The following DLG1 variants were observed in gnomAD, a reference collection of about 807,000 sequenced individuals.
The protein encoded by DLG1 is discs large MAGUK scaffold protein 1.
A neutral mutation model predicts 123.4 loss-of-function variants in DLG1; 42 were observed. That is an observed-to-expected ratio of 0.34 (90% CI 0.27 to 0.44). The LOEUF (loss-of-function observed/expected upper bound fraction) is 0.44, where lower values mean the gene tolerates loss of function less well. Ranked by LOEUF, DLG1 falls within the 20% of genes least tolerant of loss-of-function variation. DLG1 has a pLI of 1.00. For synonymous variants in DLG1, 317 were observed against 356.2 expected (o/e 0.89, Z 1.24); for missense variants, 942 against 1,082.6 (o/e 0.87, Z 1.82).
intron 17 of DLG1, among the ~76,000 whole-genome samples, chr3:197,080,266 CCTTTTTT>C (rs1463835429): frequency 2.0e-5 from 2 of 100,846 alleles, no homozygotes; most frequent in East Asian, 6.6e-4. Context: ...TGATATATTT[CCTTTTTT>C]TTTTTTTTTT....
intron 4 of DLG1, among the ~76,000 whole-genome samples, chr3:197,203,072 G>A (rs994445473): frequency 6.6e-6 from 1 of 152,102 alleles, no homozygotes; most frequent in Non-Finnish European, 1.5e-5. Context: ...CAGGAGTTCA[G>A]GACCATTTTT....
intron 2 of DLG1, 21 bp from the exon 3 acceptor site, chr3:197,296,498 C>A (rs1485950458): frequency 1.9e-6 from 3 of 1,609,008 alleles, no homozygotes; most frequent in East Asian, 2.2e-5. Flanking sequence ...AAAGCAGAGC[C>A]TGATTAAAAC....
At chr3:197,148,821 G>C (rs1434008826) in intron 6 of DLG1, among the ~76,000 whole-genome samples, 1 of 152,012 alleles carries the variant, frequency 6.6e-6, no homozygotes, top group African/African-American at 2.4e-5. Flanking sequence ...AAAAATAATG[G>C]TTTTTAGACT....
intron 4 of DLG1, among the ~76,000 whole-genome samples, chr3:197,255,289 A>G (rs540069357): frequency 2.6e-5 from 4 of 152,270 alleles, no homozygotes; most frequent in South Asian, 4.1e-4. Flanking sequence ...CACCAATAAG[A>G]GGTGGCATTG....
chr3:197,248,873 G>A (rs151246262), intron 4 of DLG1, among the ~76,000 whole-genome samples: 2 of 152,292 alleles, frequency 1.3e-5, no homozygotes, highest in African/African-American at 4.8e-5. Context: ...GAAACCCTTT[G>A]TTTGAAGAGA....
Position 197,158,634 on chromosome 3 carries a change from CAAAAA to C in DLG1, c.484-8843_484-8839del, listed in dbSNP as rs71623339. On this transcript the variant is annotated intron_variant, in intron 5 of 24. Transcript: ENST00000667157. ...GGGTAACAAGAGCAAAACTCCATTT[CAAAAA>C]AAAAAAAAAAAAAAAAAAGCCCAGA... Among the ~76,000 whole-genome samples, 93 of 67,466 alleles carry C rather than the reference CAAAAA, an allele frequency of 1.4e-3. 1 individual carries two copies. The highest frequency in any genetic ancestry group is 1.9e-3 in the African/African-American group (35 of 18,126). 44.3% of individuals were successfully genotyped at this position (67,466 alleles called of 152,430 possible). A position where few individuals can be genotyped will look rare whatever the true frequency, so the allele number is the denominator to read the frequency against.
chr3:197,111,645 A>G (rs1770071403), intron 13 of DLG1, among the ~76,000 whole-genome samples: 1 of 152,222 alleles, frequency 6.6e-6, no homozygotes, highest in South Asian at 2.1e-4. Context: ...ACCCCAGACA[A>G]GACATGTATC....
chr3:197,085,411 G>GA, intron 16 of DLG1, 169 bp downstream of exon 16: 1 of 656,148 alleles, frequency 1.5e-6, no homozygotes. Flanking sequence ...GACTACTTTA[G>GA]ATTTCACATA....
intron 6 of DLG1, among the ~76,000 whole-genome samples, 157 bp downstream of exon 6, chr3:197,149,586 C>T (rs1040926422): frequency 8.6e-5 from 13 of 152,030 alleles, no homozygotes; most frequent in Admixed American, 1.3e-4. Flanking sequence ...GACCATACTA[C>T]TTAATTTACT....
chr3:197,105,469 C>T (rs1176926982), intron 13 of DLG1, among the ~76,000 whole-genome samples: 3 of 152,162 alleles, frequency 2.0e-5, no homozygotes, highest in African/African-American at 7.2e-5. Flanking sequence ...CTAAAACTTC[C>T]ATTCTTTTGG....
chr3:197,170,206 G>C (rs1803458986), intron 5 of DLG1, among the ~76,000 whole-genome samples: 1 of 152,176 alleles, frequency 6.6e-6, no homozygotes, highest in South Asian at 2.1e-4. Context: ...ACTGTGAATA[G>C]TGCTGCAATG....
chr3:197,210,540 A>C lies in DLG1; in HGVS notation c.319-15951T>G, dbSNP rs1275219403. 1.4e-5 allele frequency among the ~76,000 whole-genome samples: 2 copies of C among 144,336 alleles called. 1 individual carries two copies. Among genetic ancestry groups the C allele is most frequent in the Non-Finnish European group, 3.1e-5 (2 of 64,510 alleles). 94.7% of individuals were successfully genotyped at this position (144,336 alleles called of 152,430 possible). ...CTAATCCAATAGGTTAGATGAAATC[A>C]AGAAATTCCCCAAAAAACACATCTT... On this transcript the variant is annotated intron_variant, in intron 4 of 24. Transcript: ENST00000667157.
intron 4 of DLG1, among the ~76,000 whole-genome samples, chr3:197,246,144 C>T (rs1751633272): frequency 6.6e-6 from 1 of 152,156 alleles, no homozygotes. Flanking sequence ...ATTGGGCAGT[C>T]TTTCTGACTC....
chr3:197,211,161 G>A lies in DLG1; in HGVS notation c.319-16572C>T, dbSNP rs778130934. Among the ~76,000 whole-genome samples, 5 of 145,960 alleles carry A rather than the reference G, an allele frequency of 3.4e-5. 1 individual carries two copies. The highest frequency in any genetic ancestry group is 7.3e-5 in the African/African-American group (3 of 41,090). ...CAGCAAACTAAAAATCCAGAGGAAC[G>A]ATCTAAATCTGATAAAGGGCATTTA... On this transcript the variant is annotated intron_variant, in intron 4 of 24. Coordinates refer to ENST00000667157, the MANE Select transcript of DLG1 (RefSeq NM_001366207.1).
intron 4 of DLG1, among the ~76,000 whole-genome samples, chr3:197,245,129 T>C (rs1051780047): frequency 1.3e-5 from 2 of 152,184 alleles, no homozygotes; most frequent in Non-Finnish European, 2.9e-5. Context: ...GTTCATTCTT[T>C]CTACTCTTTC....
rs536772121 is a variant in DLG1, at chr3:197,141,632, T to A, written c.588+1086A>T. Among the ~76,000 whole-genome samples, 431 of 152,316 alleles carry A rather than the reference T, an allele frequency of 2.8e-3. 1 individual carries two copies. The highest frequency in any genetic ancestry group is 9.7e-3 in the African/African-American group (403 of 41,566). On this transcript the variant is annotated intron_variant, in intron 7 of 24. Transcript: ENST00000667157. Reference sequence around the variant, plus strand: ...TACACACATTTAGTTACTTAAGAAATCTGCTTGTGTGAAACACTAGATTTC... The same window carrying A: ...TACACACATTTAGTTACTTAAGAAAACTGCTTGTGTGAAACACTAGATTTC...
intron 5 of DLG1, among the ~76,000 whole-genome samples, chr3:197,168,797 G>A (rs1243276411): frequency 1.3e-5 from 2 of 152,104 alleles, no homozygotes; most frequent in South Asian, 2.1e-4. Flanking sequence ...CATGTGACTA[G>A]CAACGGTCTC....
At chr3:197,071,467 C>CACCTCAAACCCTCTAAGACT (rs1743921353) in intron 18 of DLG1, among the ~76,000 whole-genome samples, 1 of 150,418 alleles carries the variant, frequency 6.6e-6, no homozygotes, top group Non-Finnish European at 1.5e-5. Flanking sequence ...CCAAAAGCTA[C>CACCTCAAACCCTCTAAGACT]GCCACAATCA....
In DLG1 at chr3:197,063,884, CT is replaced by C. The variant is rs573134894; in HGVS notation, c.2373+1391del. 6.6e-5 allele frequency among the ~76,000 whole-genome samples: 10 copies of C among 151,552 alleles called. No homozygotes were observed. The East Asian group carries it at 1.4e-3, about 21-fold the overall frequency. On this transcript the variant is annotated intron_variant, in intron 22 of 24. Transcript: ENST00000667157. ...AATGTCTTCATATTTCTCCCTGAAT[CT>C]GATAGGGGAGAAATTGAATTTAGAG...
Sources: allele counts gnomAD v4.1 joint callset (sites outside exome capture counted in the v4.1 genomes callset), GRCh38; gene constraint gnomAD v4.1.1; transcripts MANE v1.5; gene names NCBI Gene and HGNC (gene_info 2026-07-23, HGNC 2026-07-21).